CNTLN: variants seen among roughly 807,000 people sequenced by gnomAD.
CNTLN encodes the protein centlein.
Under a neutral mutation model 180.0 loss-of-function variants are expected in CNTLN, and 212 were observed. The observed-to-expected ratio is 1.18, with a 90% CI of 1.05 to 1.32. CNTLN has a LOEUF of 1.32. Among genes scored for constraint, CNTLN ranks in the 40% most tolerant of loss-of-function variants. The pLI, the probability that CNTLN is intolerant of heterozygous loss-of-function variation, is 0.00. For synonymous variants in CNTLN, 722 were observed against 563.1 expected (o/e 1.28, Z -3.99); for missense variants, 2,095 against 1,610.9 (o/e 1.30, Z -5.14).
At chr9:17,238,239 G>T (rs78669391) in intron 5 of CNTLN, among the ~76,000 whole-genome samples, 2 of 152,106 alleles carry the variant, frequency 1.3e-5, no homozygotes, top group Non-Finnish European at 2.9e-5. Context: ...TCAAAAGTTT[G>T]TGAATTTTGG....
chr9:17,179,092 A>C (rs939013726), intron 2 of CNTLN, among the ~76,000 whole-genome samples: 1 of 150,082 alleles, frequency 6.7e-6, no homozygotes, highest in African/African-American at 2.5e-5. Context: ...AAAATACAAA[A>C]AATTAGCCGG....
chr9:17,211,777 T>A (rs530442010), intron 2 of CNTLN, among the ~76,000 whole-genome samples: 17 of 152,298 alleles, frequency 1.1e-4, no homozygotes, highest in South Asian at 8.3e-4. Context: ...TCACATCCCT[T>A]GTAAGTTGGA....
intron 15 of CNTLN, among the ~76,000 whole-genome samples, chr9:17,405,038 T>C (rs1354057576): frequency 6.6e-6 from 1 of 151,728 alleles, no homozygotes. Context: ...GCGCCCAGCC[T>C]AAAACAATTA....
intron 8 of CNTLN, among the ~76,000 whole-genome samples, chr9:17,310,071 A>G (rs1819018580): frequency 1.3e-5 from 2 of 152,096 alleles, no homozygotes; most frequent in Non-Finnish European, 2.9e-5. Flanking sequence ...TTGTGTTATG[A>G]CATACTATTG....
intron 25 of CNTLN, among the ~76,000 whole-genome samples, chr9:17,499,563 T>C (rs1833636833): frequency 6.6e-6 from 1 of 152,198 alleles, no homozygotes; most frequent in South Asian, 2.1e-4. Flanking sequence ...ACATATTGAA[T>C]CTGTTCCATA....
intron 6 of CNTLN, among the ~76,000 whole-genome samples, chr9:17,279,639 T>C (rs1006974816): frequency 2.0e-5 from 3 of 151,878 alleles, no homozygotes; most frequent in Non-Finnish European, 2.9e-5. Context: ...TTTTTTTTTT[T>C]CCTGCAGAAT....
intron 25 of CNTLN, among the ~76,000 whole-genome samples, chr9:17,501,229 A>G (rs1833738624): frequency 6.6e-6 from 1 of 152,216 alleles, no homozygotes; most frequent in Admixed American, 6.5e-5. Flanking sequence ...AGTAAGACAA[A>G]TATGTGAAGC....
intron 6 of CNTLN, among the ~76,000 whole-genome samples, chr9:17,280,032 C>T (rs1415208689): frequency 6.6e-6 from 1 of 152,144 alleles, no homozygotes; most frequent in Non-Finnish European, 1.5e-5. Context: ...AGAAGGTCCT[C>T]AGCAGATGGA....
the CNTLN span, among the ~76,000 whole-genome samples, chr9:17,516,847 C>G: frequency 6.6e-6 from 1 of 152,148 alleles, no homozygotes; most frequent in Non-Finnish European, 1.5e-5. Context: ...TAGATTTTGT[C>G]TCTTTGTTTT....
chr9:17,447,175 G>T, intron 18 of CNTLN: 1 of 218,146 alleles, frequency 4.6e-6, no homozygotes. Context: ...CTCAAAACTA[G>T]ATGCTATCAC....
chr9:17,295,237 G>C (rs1203460465), intron 6 of CNTLN, among the ~76,000 whole-genome samples: 1 of 152,084 alleles, frequency 6.6e-6, no homozygotes, highest in Non-Finnish European at 1.5e-5. Flanking sequence ...CAAGCTGAGG[G>C]AGCCGGCTCT....
chr9:17,374,808 C>T (rs767245997), intron 13 of CNTLN, among the ~76,000 whole-genome samples: 7 of 150,812 alleles, frequency 4.6e-5, no homozygotes, highest in African/African-American at 7.3e-5. Flanking sequence ...TTCAGTGAGC[C>T]GAGATTATGC....
chr9:17,324,780 C>T (rs941009728), intron 8 of CNTLN, among the ~76,000 whole-genome samples: 5 of 152,032 alleles, frequency 3.3e-5, no homozygotes, highest in African/African-American at 4.8e-5. Context: ...CTGTTAACAA[C>T]TTGACTGTAC....
intron 2 of CNTLN, among the ~76,000 whole-genome samples, chr9:17,193,869 G>T (rs1821949728): frequency 6.6e-6 from 1 of 152,208 alleles, no homozygotes; most frequent in African/African-American, 2.4e-5. Flanking sequence ...AGGCATCCAG[G>T]TGTTTCCGTA....
chr9:17,144,679 A>C (rs1818324935), intron 2 of CNTLN, among the ~76,000 whole-genome samples: 1 of 151,526 alleles, frequency 6.6e-6, no homozygotes, highest in African/African-American at 2.4e-5. Flanking sequence ...AAATAAATGT[A>C]CGTATGTATA....
At chr9:17,366,244 G>T (rs151131844) in intron 12 of CNTLN, among the ~76,000 whole-genome samples, 3 of 152,062 alleles carry the variant, frequency 2.0e-5, no homozygotes, top group Non-Finnish European at 4.4e-5. Context: ...TGCTGCCTCA[G>T]CATCCCAAGT....
At chr9:17,354,773 C>G (rs1822687671) in intron 12 of CNTLN, among the ~76,000 whole-genome samples, 1 of 152,092 alleles carries the variant, frequency 6.6e-6, no homozygotes, top group African/African-American at 2.4e-5. Context: ...GCGTTGGCAA[C>G]CCGCTCCAGT....
Position 17,388,156 on chromosome 9 carries a change from T to C in CNTLN, c.1988-6T>C, listed in dbSNP as rs530212126. On this transcript the variant is annotated splice_region_variant and splice_polypyrimidine_tract_variant and intron_variant, in intron 13 of 25. Coordinates refer to ENST00000380647, the MANE Select transcript of CNTLN (RefSeq NM_017738.4). ...GTATCATAATATATTATTTATTCTC[T>C]ACCAGAACAGCTCTTTAGATCTGGT... 3.8e-6 allele frequency: 6 copies of C among 1,584,838 alleles called. No individual in the cohort carries two copies. The South Asian group carries it at 6.7e-5, about 18-fold the overall frequency.
At chr9:17,304,035 C>G (rs1322354310) in intron 7 of CNTLN, among the ~76,000 whole-genome samples, 1 of 152,072 alleles carries the variant, frequency 6.6e-6, no homozygotes, top group Non-Finnish European at 1.5e-5. Context: ...TTCTTTCTCT[C>G]ATTTATTAAG....
Sources: gnomAD v4.1 joint callset for allele counts (sites outside exome capture counted in the v4.1 genomes callset) on GRCh38, gnomAD v4.1.1 for gene constraint, MANE v1.5 for transcripts, NCBI Gene and HGNC (gene_info 2026-07-23, HGNC 2026-07-21) for gene names.